ZNF236: variants seen among roughly 807,000 people sequenced by gnomAD.
The protein encoded by ZNF236 is regulated by glucose.
A neutral mutation model predicts 191.2 loss-of-function variants in ZNF236; 50 were observed. The observed-to-expected ratio is 0.26, with a 90% CI of 0.21 to 0.33. The LOEUF (loss-of-function observed/expected upper bound fraction) is 0.33, where lower values mean the gene tolerates loss of function less well. ZNF236 is among the 10% of genes least tolerant of loss of function. ZNF236 has a pLI of 1.00. For missense variants in ZNF236, 1,754 were observed against 2,374.5 expected, an observed-to-expected ratio of 0.74 and a Z score of 5.43; for synonymous variants, 907 against 928.8, an observed-to-expected ratio of 0.98 and a Z score of 0.43.
At chr18:76,959,863 C>T (rs1968617400) in intron 29 of ZNF236, 47 bp downstream of exon 29, 1 of 1,582,614 alleles carries the variant, frequency 6.3e-7, no homozygotes, top group Non-Finnish European at 8.6e-7. Flanking sequence ...TTGAAGTAGA[C>T]ATCATGGGTG....
At chr18:76,923,224 C>A in intron 21 of ZNF236, 50 bp downstream of exon 21, 1 of 1,279,170 alleles carries the variant, frequency 7.8e-7, no homozygotes, top group Non-Finnish European at 1.1e-6. Flanking sequence ...GATAGCATTT[C>A]GTATGTTTTG....
In ZNF236 at chr18:76,936,725, C is replaced by G. The variant is rs575025890; in HGVS notation, c.4595-431C>G. 2.6e-5 allele frequency among the ~76,000 whole-genome samples: 4 copies of G among 151,044 alleles called. 1 individual carries two copies. Among genetic ancestry groups the G allele is most frequent in the African/African-American group, 7.2e-5 (3 of 41,444 alleles). ...CACTTGCTTCCTTTCTTCAGCTGGT[C>G]TCTTCAGTTGTGGATGGGTAAGCTC... On this transcript the variant is annotated intron_variant, in intron 25 of 30. Coordinates refer to ENST00000320610, the MANE Select transcript of ZNF236 (RefSeq NM_001306089.2).
At chr18:76,863,365 C>A (rs1024101622) in intron 3 of ZNF236, among the ~76,000 whole-genome samples, 1 of 151,980 alleles carries the variant, frequency 6.6e-6, no homozygotes, top group African/African-American at 2.4e-5. Context: ...ACAGGATAAA[C>A]CCAAAGAAAT....
At chr18:76,966,023 T>G (rs769327548) in intron 30 of ZNF236, among the ~76,000 whole-genome samples, 4 of 152,118 alleles carry the variant, frequency 2.6e-5, no homozygotes, top group Non-Finnish European at 5.9e-5. Flanking sequence ...GGGCTAGGCG[T>G]GTCTGAGCTC....
chr18:76,956,755 T>C (rs1386821526), intron 28 of ZNF236, among the ~76,000 whole-genome samples: 2 of 152,208 alleles, frequency 1.3e-5, no homozygotes, highest in African/African-American at 4.8e-5. Context: ...GGTGCTGTGC[T>C]ACAGTGGGCA....
rs1275650499 is a variant in ZNF236, at chr18:76,881,467, A to G, written c.1372A>G (p.Lys458Glu). ...ACAGGAAAGCCCGGAGAAACTGGAT[A>G]AAAAAGAAAAAAAAATGATAAAGAA... is the stretch of plus-strand genomic sequence containing the variant. ...KEQESPEKLD[K>E]KEKKMIKKKS... Residue 458 changes from lysine (K) to glutamate (E), a missense_variant, in exon 9 of 31, where the codon AAA (lysine) becomes GAA (glutamate). Lys to Glu is a moderately conservative substitution (Grantham distance 56). Transcript: ENST00000320610. 5 of 1,613,120 alleles carry G rather than the reference A, an allele frequency of 3.1e-6. No homozygotes were observed. Among genetic ancestry groups the G allele is most frequent in the Non-Finnish European group, 4.2e-6 (5 of 1,179,836 alleles).
intron 1 of ZNF236, among the ~76,000 whole-genome samples, chr18:76,831,449 T>C (rs149034869): frequency 1.3e-5 from 2 of 152,354 alleles, no homozygotes; most frequent in African/African-American, 4.8e-5. Flanking sequence ...TTGAAGGACA[T>C]CTTGGTTGCT....
chr18:76,856,140 C>T (rs1018083903), intron 3 of ZNF236, among the ~76,000 whole-genome samples: 1 of 151,530 alleles, frequency 6.6e-6, no homozygotes, highest in Non-Finnish European at 1.5e-5. Flanking sequence ...CTCCTGGTCT[C>T]AAGTAGTGGT....
chr18:76,879,333 A>C (rs557895470), intron 7 of ZNF236, among the ~76,000 whole-genome samples: 5 of 152,220 alleles, frequency 3.3e-5, no homozygotes, highest in Non-Finnish European at 7.3e-5. Flanking sequence ...AAGTACAGAG[A>C]GCTACCATAT....
At position 76,968,370 on chromosome 18, in the gene ZNF236, T is replaced by G; in HGVS notation, c.*31T>G. On this transcript the variant is annotated 3_prime_UTR_variant, in exon 31 of 31. Transcript: ENST00000320610. ...GTTGGAAGTACACCTTTAAGAATGT[T>G]TCTGAAGTTACGTTTTGTGAAGAGC... is the stretch of plus-strand genomic sequence containing the variant. 1 of 1,586,248 alleles carries G rather than the reference T, an allele frequency of 6.3e-7. No individual in the cohort carries two copies. The highest frequency in any genetic ancestry group is 2.3e-5 in the East Asian group (1 of 43,976).
Position 76,957,202 on chromosome 18 carries a change from G to A in ZNF236, c.5112+1020G>A, listed in dbSNP as rs187708038. ...GTGTGTCTGTTGTCTTTTAATGAGT[G>A]TAGGACTAGAAGAAGGGAGAGTCCT... On this transcript the variant is annotated intron_variant, in intron 28 of 30. Transcript: ENST00000320610. 4.6e-3 allele frequency among the ~76,000 whole-genome samples: 702 copies of A among 152,242 alleles called. 4 individuals are homozygous for A. Among genetic ancestry groups the A allele is most frequent in the African/African-American group, 0.015 (636 of 41,516 alleles).
intron 26 of ZNF236, among the ~76,000 whole-genome samples, chr18:76,940,151 A>G (rs7243149): frequency 0.015 from 1,482 of 98,548 alleles, 23 homozygotes; most frequent in African/African-American, 0.051. Flanking sequence ...TTGGGAACAC[A>G]GTGGGCTACC....
intron 13 of ZNF236, 130 bp downstream of exon 13, chr18:76,905,545 GAAAAAAAAAAA>G: frequency 1.6e-4 from 10 of 63,962 alleles, no homozygotes; most frequent in African/African-American, 3.4e-4. Context: ...ATGGGCTCAA[GAAAAAAAAAAA>G]AAAAAAAAAA....
At chr18:76,898,769 A>G (rs1977507473) in intron 10 of ZNF236, among the ~76,000 whole-genome samples, 1 of 152,226 alleles carries the variant, frequency 6.6e-6, no homozygotes. Flanking sequence ...TTTACAATGT[A>G]AGACTTTGTC....
chr18:76,833,531 C>A (rs1975232056), intron 1 of ZNF236, among the ~76,000 whole-genome samples: 2 of 151,994 alleles, frequency 1.3e-5, no homozygotes, highest in South Asian at 4.1e-4. Flanking sequence ...AACTTGTATC[C>A]CTGGGATACA....
chr18:76,902,899 T>C (rs1026299154), intron 11 of ZNF236, among the ~76,000 whole-genome samples: 6 of 152,080 alleles, frequency 3.9e-5, no homozygotes, highest in Admixed American at 1.3e-4. Flanking sequence ...CCTGCATTTT[T>C]CTCTTTTGAG....
At chr18:76,917,692 C>A (rs994775483) in intron 19 of ZNF236, among the ~76,000 whole-genome samples, 2 of 152,166 alleles carry the variant, frequency 1.3e-5, no homozygotes, top group African/African-American at 2.4e-5. Flanking sequence ...TTTTGTTGTT[C>A]TCTGTCTCCA....
intron 6 of ZNF236, among the ~76,000 whole-genome samples, chr18:76,876,318 A>T (rs1976713601): frequency 6.6e-6 from 1 of 152,220 alleles, no homozygotes; most frequent in African/African-American, 2.4e-5. Context: ...AAACAACACA[A>T]ATACTTTTAT....
intron 26 of ZNF236, among the ~76,000 whole-genome samples, chr18:76,938,909 C>G (rs774862896): frequency 6.6e-6 from 1 of 152,200 alleles, no homozygotes. Flanking sequence ...CTGAGCTGTG[C>G]GGAGCGCGTG....
Sources: gnomAD v4.1 joint callset for allele counts (sites outside exome capture counted in the v4.1 genomes callset) on GRCh38, gnomAD v4.1.1 for gene constraint, MANE v1.5 for transcripts, NCBI Gene and HGNC (gene_info 2026-07-23, HGNC 2026-07-21) for gene names.